EXTL3: variants seen among roughly 807,000 people sequenced by gnomAD.
The protein encoded by EXTL3 is exostosin-like 3.
In EXTL3, 27 loss-of-function variants were observed where a neutral mutation model predicts 69.3. The observed-to-expected ratio is 0.39, with a 90% confidence interval of 0.29 to 0.54. The LOEUF is 0.54. Ranked by LOEUF, EXTL3 falls within the 20% of genes least tolerant of loss-of-function variation. EXTL3 has a pLI of 0.69. For synonymous variants in EXTL3, 511 were observed against 499.4 expected, an observed-to-expected ratio of 1.02 and a Z score of -0.31; for missense variants, 1,003 against 1,231.8, an observed-to-expected ratio of 0.81 and a Z score of 2.78.
At chr8:28,720,023 A>G (rs945267352) in intron 3 of EXTL3, among the ~76,000 whole-genome samples, 1 of 152,234 alleles carries the variant, frequency 6.6e-6, no homozygotes, top group African/African-American at 2.4e-5. Flanking sequence ...CATATTAGCA[A>G]TACAAGTTTT....
rs570316081 is a variant in EXTL3, at chr8:28,643,067, A to G, written c.-53+20257A>G. On this transcript the variant is annotated intron_variant, in intron 1 of 6. Transcript: ENST00000523149. ...GAGACCATCCTGGCCAACATGGTGA[A>G]ACCCCATCTCTACTAAAAAGACAAA... Among the ~76,000 whole-genome samples the G allele has an allele frequency of 2.6e-5, 4 of 152,196 alleles. No homozygotes were observed. In the South Asian group the frequency reaches 8.3e-4, roughly 32 times the overall value.
intron 2 of EXTL3, among the ~76,000 whole-genome samples, chr8:28,616,396 C>T (rs1806331284): frequency 2.0e-5 from 3 of 151,968 alleles, no homozygotes; most frequent in South Asian, 4.1e-4. Context: ...GAGGCTGAGG[C>T]GGGTGGATCA....
intron 6 of EXTL3, among the ~76,000 whole-genome samples, chr8:28,747,220 T>C (rs1801905994): frequency 1.3e-5 from 2 of 152,186 alleles, no homozygotes; most frequent in Middle Eastern, 3.2e-3. Context: ...TCCTGACCCC[T>C]ACATCCTGCT....
chr8:28,702,951 G>A lies in EXTL3; in HGVS notation c.-570+1292G>A, dbSNP rs1045720981. On this transcript the variant is annotated intron_variant, in intron 1 of 6. Coordinates refer to ENST00000220562, the MANE Select transcript of EXTL3 (RefSeq NM_001440.4). ...ACCTGTGTGCTGGGATAGTAACTGC[G>A]GGGCACAGAGTCTGGAGCGAAGCGA... 2.0e-5 allele frequency among the ~76,000 whole-genome samples: 3 copies of A among 152,176 alleles called. No individual in the cohort carries two copies. The East Asian group carries it at 5.8e-4, about 29-fold the overall frequency.
At chr8:28,721,245 C>T (rs972523697) in intron 3 of EXTL3, among the ~76,000 whole-genome samples, 2 of 152,164 alleles carry the variant, frequency 1.3e-5, no homozygotes, top group African/African-American at 4.8e-5. Context: ...ATGTTGAGTT[C>T]TTTTATATGT....
chr8:28,609,990 G>A lies in EXTL3; in HGVS notation n.314+2232G>A, dbSNP rs142001426. Among the ~76,000 whole-genome samples the A allele has an allele frequency of 8.7e-4, 132 of 151,192 alleles. No individual in the cohort carries two copies. The East Asian group carries it at 0.012, about 13-fold the overall frequency. The stretch of plus-strand genomic sequence containing the variant: ...AGGCCAAAGCAGGTGGATCACCTGC[G>A]GTCAGGAGTTCGAGACCAGCCTGGC... On this transcript the variant is annotated intron_variant and non_coding_transcript_variant, in intron 2 of 4. Coordinates refer to the EXTL3 transcript ENST00000522725.
At chr8:28,704,190 C>G (rs1044533602) in intron 1 of EXTL3, among the ~76,000 whole-genome samples, 5 of 152,176 alleles carry the variant, frequency 3.3e-5, no homozygotes, top group African/African-American at 1.2e-4. Flanking sequence ...CTTCCCTCTC[C>G]CACAGTTAGG....
At chr8:28,698,077 A>G (rs1218233513), upstream of EXTL3, 1 of 152,028 alleles carries the variant, frequency 6.6e-6, no homozygotes, top group Non-Finnish European at 1.5e-5. Flanking sequence ...GGGCCAGGAG[A>G]GGAGTTATGG....
chr8:28,670,221 G>A (rs868494944), intron 1 of EXTL3, among the ~76,000 whole-genome samples: 1 of 19,826 alleles, frequency 5.0e-5, no homozygotes, highest in African/African-American at 1.8e-4. Context: ...AAAAAAAAAG[G>A]TTGGGGGGAG....
rs139633425 is a variant in EXTL3 at position 28,716,898 on chromosome 8, G to T, written c.839G>T (p.Arg280Leu). Residue 280 changes from arginine to leucine, a missense_variant, in exon 3 of 7, where the codon CGT becomes CTT. Physicochemically the swap from Arg to Leu is moderately radical, Grantham distance 102. Transcript: ENST00000220562. This position sits in a 1 kb window ranked among gnomAD's most constrained non-coding sequence, Gnocchi z 7.1. ...AACCATGTCATCATCAATCTGTCACGTAAGTCAGATACACAGAACCTTCTC... is the reference window on the plus strand; with the variant it reads ...AACCATGTCATCATCAATCTGTCACTTAAGTCAGATACACAGAACCTTCTC... ...GHNHVIINLS[R>L]KSDTQNLLYN... is the part of the protein sequence containing the mutation. The T allele has an allele frequency of 1.9e-6, 3 of 1,614,190 alleles. No homozygotes were observed. The highest frequency in any genetic ancestry group is 4.5e-5 in the East Asian group (2 of 44,888).
chr8:28,743,244 A>T (rs1312706418), intron 6 of EXTL3, 30 bp downstream of exon 6: 1 of 1,613,738 alleles, frequency 6.2e-7, no homozygotes, highest in Non-Finnish European at 8.5e-7. Context: ...GGGGCTGTGG[A>T]TGCGTGCATG....
intron 3 of EXTL3, among the ~76,000 whole-genome samples, chr8:28,718,740 G>T (rs1020231391): frequency 2.6e-5 from 4 of 152,200 alleles, no homozygotes; most frequent in Non-Finnish European, 5.9e-5. Context: ...AGGAAGGCCT[G>T]TGTCATTTTC....
At chr8:28,738,060 C>T (rs936258847) in intron 5 of EXTL3, among the ~76,000 whole-genome samples, 1 of 152,184 alleles carries the variant, frequency 6.6e-6, no homozygotes, top group Non-Finnish European at 1.5e-5. Flanking sequence ...ATGCCTGTCC[C>T]GGGCCCCACG....
chr8:28,647,053 A>C (rs927253865), intron 1 of EXTL3, among the ~76,000 whole-genome samples: 1 of 152,080 alleles, frequency 6.6e-6, no homozygotes, highest in African/African-American at 2.4e-5. Flanking sequence ...AACATGAAAT[A>C]GACTGTATTC....
intron 1 of EXTL3, among the ~76,000 whole-genome samples, chr8:28,675,199 C>T (rs1003060043): frequency 2.0e-5 from 3 of 152,166 alleles, no homozygotes; most frequent in Non-Finnish European, 2.9e-5. Context: ...AACTCCTCAG[C>T]TGAGGGATTT....
chr8:28,687,379 T>G (rs988483033), intron 1 of EXTL3, among the ~76,000 whole-genome samples: 2 of 151,920 alleles, frequency 1.3e-5, no homozygotes, highest in African/African-American at 4.8e-5. Flanking sequence ...GGCAGGAGAA[T>G]CGCTTGAACC....
At chr8:28,614,676 T>C (rs1333396862) in intron 2 of EXTL3, among the ~76,000 whole-genome samples, 1 of 152,232 alleles carries the variant, frequency 6.6e-6, no homozygotes, top group Non-Finnish European at 1.5e-5. Flanking sequence ...CATTCAATGC[T>C]ATAAATTTTT....
intron 4 of EXTL3, among the ~76,000 whole-genome samples, chr8:28,736,425 G>A (rs1801653503): frequency 6.6e-6 from 1 of 152,202 alleles, no homozygotes; most frequent in Non-Finnish European, 1.5e-5. Context: ...AACGCTTTCA[G>A]TTCTCCAATT....
intron 2 of EXTL3, among the ~76,000 whole-genome samples, chr8:28,613,922 C>T (rs55785544): frequency 0.025 from 3,745 of 151,874 alleles, 123 homozygotes; most frequent in African/African-American, 0.077. Flanking sequence ...TGGGCTCAAA[C>T]GATCCTCTGA....
Sources: gnomAD v4.1 joint callset for allele counts (sites outside exome capture counted in the v4.1 genomes callset) on GRCh38, gnomAD v4.1.1 for gene constraint, Gnocchi (gnomAD v3.1) non-coding constraint, MANE v1.5 for transcripts, NCBI Gene and HGNC (gene_info 2026-07-23, HGNC 2026-07-21) for gene names.